The following LPA variants were observed in gnomAD, a reference collection of about 807,000 sequenced individuals.
The protein encoded by LPA is lipoprotein(a), also known as apolipoprotein(a).
LPA carries 199 observed loss-of-function variants against 197.9 expected under a neutral mutation model. The observed-to-expected ratio is 1.01, with a 90% CI of 0.90 to 1.13. The LOEUF is 1.13. Among genes scored for constraint, LPA ranks in the 50% most tolerant of loss-of-function variants. The pLI, the probability that LPA is intolerant of heterozygous loss-of-function variation, is 0.00. For missense variants in LPA, 1,853 were observed against 1,785.8 expected, an observed-to-expected ratio of 1.04 and a Z score of -0.68; for synonymous variants, 715 against 639.5, an observed-to-expected ratio of 1.12 and a Z score of -1.78.
At position 160,586,616 on chromosome 6, in the gene LPA, T is replaced by C. The variant is rs764610863; in HGVS notation, c.3962A>G (p.Asn1321Ser). The change falls in exon 25 of 39, where the codon AAC becomes AGC. Residue 1321 changes from asparagine to serine, a missense_variant. Around this residue, in one of 3 missense-constraint regions of LPA, gnomAD observed 1,737 missense variants for 1,504.4 expected, o/e 1.15. Coordinates refer to ENST00000316300, the MANE Select transcript of LPA (RefSeq NM_005577.4). ...EYYPNGGLTR[N>S]YCRNPDAEIR... Reference sequence around the variant, plus strand: ...CTCAGCATCTGGATTCCTGCAGTAGTTCCTGGTCAGGCCACTGCAAATTCC... The same window carrying C: ...CTCAGCATCTGGATTCCTGCAGTAGCTCCTGGTCAGGCCACTGCAAATTCC... 3.7e-6 allele frequency: 6 copies of C among 1,613,688 alleles called. No individual in the cohort carries two copies. The highest frequency in any genetic ancestry group is 1.1e-5 in the South Asian group (1 of 91,076).
intron 28 of LPA, among the ~76,000 whole-genome samples, chr6:160,574,358 C>A (rs980506857): frequency 6.6e-5 from 10 of 152,140 alleles, no homozygotes; most frequent in African/African-American, 2.2e-4. Flanking sequence ...GGGCTTTAGT[C>A]CTTCCCCCAC....
At chr6:160,576,670 T>TTG (rs369546569) in intron 28 of LPA, among the ~76,000 whole-genome samples, 3,219 of 104,116 alleles carry the variant, frequency 0.031, 159 homozygotes, top group Admixed American at 0.15. Flanking sequence ...ATTCAGATGT[T>TTG]TGTGTGTGTG....
rs781494336 is a variant in LPA at position 160,605,223 on chromosome 6, G to T, written c.2786-18C>A. 50 of 1,612,336 alleles carry T rather than the reference G, an allele frequency of 3.1e-5. No individual in the cohort carries two copies. In the East Asian group the frequency reaches 8.7e-4, roughly 28 times the overall value. ...AGTTGGTGCTGAAATGAAAAGAAAA[G>T]AAATCAAACTGAGTGTTTCCAAGAA... On this transcript the variant is annotated intron_variant, in intron 17 of 38. Coordinates refer to ENST00000316300, the MANE Select transcript of LPA (RefSeq NM_005577.4).
rs1172624205 is a variant in LPA, at chr6:160,647,173, G to A, written c.210-778C>T. Reference sequence around the variant, plus strand: ...CAGCCACTCCAGAACTGGGGGATGAGTTGAAAGAACAGTGGGTCCCATGGC... The same window carrying A: ...CAGCCACTCCAGAACTGGGGGATGAATTGAAAGAACAGTGGGTCCCATGGC... On this transcript the variant is annotated intron_variant, in intron 2 of 38. Transcript: ENST00000316300. 2.0e-5 allele frequency among the ~76,000 whole-genome samples: 3 copies of A among 152,306 alleles called. No homozygotes were observed. In the South Asian group the frequency reaches 6.2e-4, roughly 32 times the overall value.
At chr6:160,663,947 C>A (rs1477238668) in intron 1 of LPA, among the ~76,000 whole-genome samples, 1 of 152,170 alleles carries the variant, frequency 6.6e-6, no homozygotes, top group Non-Finnish European at 1.5e-5. Context: ...GAAAAATCAA[C>A]CATTATTTTT....
intron 28 of LPA, among the ~76,000 whole-genome samples, chr6:160,574,016 T>G (rs1328839092): frequency 6.6e-6 from 1 of 152,092 alleles, no homozygotes; most frequent in Non-Finnish European, 1.5e-5. Context: ...GGACCATCAG[T>G]TGGGGGTGGG....
intron 26 of LPA, among the ~76,000 whole-genome samples, chr6:160,580,055 C>A (rs187614196): frequency 3.3e-5 from 5 of 152,172 alleles, no homozygotes; most frequent in African/African-American, 1.2e-4. Context: ...CCTCTTCCCA[C>A]GGCCAGTGTC....
At chr6:160,548,456 A>G (rs1389207262) in intron 31 of LPA, 22 bp downstream of exon 31, 1 of 1,612,356 alleles carries the variant, frequency 6.2e-7, no homozygotes, top group East Asian at 2.2e-5. Context: ...GTGCTAGACA[A>G]GGTAAGACAC....
intron 26 of LPA, among the ~76,000 whole-genome samples, chr6:160,581,682 A>G (rs2115034864): frequency 6.6e-6 from 1 of 152,176 alleles, no homozygotes; most frequent in Non-Finnish European, 1.5e-5. Flanking sequence ...TTTTATTCCA[A>G]GTTTTTTATT....
chr6:160,566,009 C>T (rs981100662), intron 28 of LPA, among the ~76,000 whole-genome samples: 4 of 152,118 alleles, frequency 2.6e-5, no homozygotes, highest in Admixed American at 6.5e-5. Flanking sequence ...TGAACAAAGC[C>T]TCCAATAAAT....
chr6:160,543,037 G>A (rs1348995080), intron 33 of LPA, among the ~76,000 whole-genome samples: 3 of 152,168 alleles, frequency 2.0e-5, no homozygotes, highest in African/African-American at 7.2e-5. Context: ...ACCATGTAAA[G>A]TTTACTGAAA....
chr6:160,541,166 G>T lies in LPA; in HGVS notation c.5535C>A (p.Phe1845Leu). ...CTGGGGATATTAAGGTGCCTCCACA[G>T]AAGTGCTTTCCAAACCTAGAAAGAA... ...VSLRTRFGKHFCGGTLISPEW... is the reference protein window; with the variant it reads ...VSLRTRFGKHLCGGTLISPEW... Residue 1845 changes from phenylalanine (F) to leucine (L), a missense_variant, in exon 35 of 39, where the codon TTC (phenylalanine) becomes TTA (leucine). Physicochemically the swap from Phe to Leu is conservative, Grantham distance 22 (BLOSUM62 0). Transcript: ENST00000316300. 2 of 1,613,908 alleles carry T rather than the reference G, an allele frequency of 1.2e-6. No homozygotes were observed. The highest frequency in any genetic ancestry group is 1.7e-6 in the Non-Finnish European group (2 of 1,179,752).
At chr6:160,584,270 CTCTTCTTCT>C (rs60345887) in intron 26 of LPA, among the ~76,000 whole-genome samples, 1 of 112,868 alleles carries the variant, frequency 8.9e-6, no homozygotes, top group Non-Finnish European at 1.8e-5. Context: ...CTTCCTCTTC[CTCTTCTTCT>C]TCTTCTTCTT....
At chr6:160,660,184 C>T (rs1423322198) in intron 1 of LPA, among the ~76,000 whole-genome samples, 1 of 152,192 alleles carries the variant, frequency 6.6e-6, no homozygotes, top group Non-Finnish European at 1.5e-5. Context: ...TGTATACTAA[C>T]TGCAACCGTG....
intron 24 of LPA, among the ~76,000 whole-genome samples, chr6:160,589,185 C>T (rs1778974413): frequency 6.6e-6 from 1 of 152,194 alleles, no homozygotes; most frequent in East Asian, 1.9e-4. Context: ...CAAACACAAC[C>T]TTCACTCCAG....
intron 7 of LPA, among the ~76,000 whole-genome samples, chr6:160,634,899 C>A (rs1347951205): frequency 6.7e-6 from 1 of 150,192 alleles, no homozygotes; most frequent in Non-Finnish European, 1.5e-5. Flanking sequence ...GCCCATCACC[C>A]TGGAAGGTTT....
At chr6:160,620,777 T>A (rs1779607523) in intron 12 of LPA, among the ~76,000 whole-genome samples, 1 of 90,216 alleles carries the variant, frequency 1.1e-5, no homozygotes, top group African/African-American at 5.2e-5. Context: ...AATCTTTTCA[T>A]ATTTTCCTAC....
At chr6:160,588,432 G>C (rs1365336027) in intron 24 of LPA, among the ~76,000 whole-genome samples, 3 of 152,136 alleles carry the variant, frequency 2.0e-5, no homozygotes, top group Non-Finnish European at 4.4e-5. Flanking sequence ...CCAAAATGTA[G>C]TGAGGTGTTT....
At chr6:160,595,755 G>A (rs886070831) in intron 20 of LPA, among the ~76,000 whole-genome samples, 3 of 152,144 alleles carry the variant, frequency 2.0e-5, no homozygotes, top group African/African-American at 7.2e-5. Context: ...AGTCATCTGT[G>A]CTCCATAAGA....
Sources: allele counts gnomAD v4.1 joint callset (sites outside exome capture counted in the v4.1 genomes callset), GRCh38; gene constraint gnomAD v4.1.1; regional missense constraint gnomAD v4.1.1; transcripts MANE v1.5; gene names NCBI Gene and HGNC (gene_info 2026-07-23, HGNC 2026-07-21).